Variants in RSU1 observed in about 807,000 individuals in gnomAD.
RSU1 encodes the protein Ras suppressor protein 1.
A neutral mutation model predicts 31.1 loss-of-function variants in RSU1; 26 were observed. The observed-to-expected ratio is 0.84, with a 90% CI of 0.61 to 1.16. The LOEUF is 1.16. Ranked by LOEUF, RSU1 falls within the 50% of genes most tolerant of loss-of-function variation. RSU1 has a pLI of 0.00. For synonymous variants in RSU1, 164 were observed against 136.3 expected (o/e 1.20, Z -1.41); for missense variants, 320 against 339.1 (o/e 0.94, Z 0.44).
chr10:16,601,243 G>A (rs1833710023), intron 8 of RSU1, among the ~76,000 whole-genome samples: 1 of 152,156 alleles, frequency 6.6e-6, no homozygotes, highest in African/African-American at 2.4e-5. Context: ...CAGAACTTCA[G>A]GAGCAAATGC....
intron 2 of RSU1, among the ~76,000 whole-genome samples, chr10:16,797,856 C>CTTCTTTTTTT (rs1554775554): frequency 1.1e-4 from 11 of 103,514 alleles, no homozygotes; most frequent in South Asian, 3.3e-4. Context: ...GGGATTTCTT[C>CTTCTTTTTTT]TTTTTTTTTT....
intron 8 of RSU1, among the ~76,000 whole-genome samples, chr10:16,605,908 C>T (rs1833796761): frequency 6.6e-6 from 1 of 152,150 alleles, no homozygotes; most frequent in Admixed American, 6.5e-5. Context: ...CTCAAGTGAT[C>T]CTCCTGCCTC....
At chr10:16,663,736 T>C (rs1031773210) in intron 8 of RSU1, among the ~76,000 whole-genome samples, 3 of 152,188 alleles carry the variant, frequency 2.0e-5, no homozygotes, top group Non-Finnish European at 2.9e-5. Flanking sequence ...CTGCTCTGCA[T>C]ACCCCACAGA....
At chr10:16,783,893 C>G (rs539568842) in intron 2 of RSU1, among the ~76,000 whole-genome samples, 19 of 152,154 alleles carry the variant, frequency 1.2e-4, no homozygotes, top group Non-Finnish European at 2.5e-4. Flanking sequence ...AGCCCCCATT[C>G]AAGTTTCTCC....
chr10:16,745,154 C>T (rs1836825488), intron 7 of RSU1, among the ~76,000 whole-genome samples: 1 of 152,194 alleles, frequency 6.6e-6, no homozygotes, highest in African/African-American at 2.4e-5. Flanking sequence ...GGTCTCTAAA[C>T]AGTCAAAGTT....
chr10:16,691,243 C>A (rs1200965633), intron 8 of RSU1, among the ~76,000 whole-genome samples: 1 of 152,022 alleles, frequency 6.6e-6, no homozygotes. Context: ...CTGCTTCACA[C>A]AAAGAGTTGA....
intron 3 of RSU1, among the ~76,000 whole-genome samples, chr10:16,776,373 GAAT>G (rs532732636): frequency 1.1e-3 from 163 of 151,884 alleles, no homozygotes; most frequent in African/African-American, 3.6e-3. Context: ...TATGTACTTA[GAAT>G]ATTATCTTTG....
chr10:16,698,584 T>C lies in RSU1; in HGVS notation c.599-3429A>G, dbSNP rs184700852. Reference sequence around the variant, plus strand: ...GGTCAGCCATGTTCTCTGGGCCCTTTTGTCTGAAGCCTGTAACCCCCTGGA... The same window carrying C: ...GGTCAGCCATGTTCTCTGGGCCCTTCTGTCTGAAGCCTGTAACCCCCTGGA... On this transcript the variant is annotated intron_variant, in intron 7 of 8. Coordinates refer to ENST00000345264, the MANE Select transcript of RSU1 (RefSeq NM_012425.4). Among the ~76,000 whole-genome samples the C allele has an allele frequency of 1.1e-3, 175 of 152,278 alleles. No homozygotes were observed. In the South Asian group the frequency reaches 0.031, roughly 27 times the overall value.
chr10:16,633,037 T>A (rs909300313), intron 8 of RSU1, among the ~76,000 whole-genome samples: 3 of 152,224 alleles, frequency 2.0e-5, no homozygotes, highest in African/African-American at 7.2e-5. Context: ...TTTCTCAGCC[T>A]TGGCACTGAG....
chr10:16,708,744 C>G (rs1435658222), intron 7 of RSU1, among the ~76,000 whole-genome samples: 2 of 151,726 alleles, frequency 1.3e-5, no homozygotes, highest in Non-Finnish European at 2.9e-5. Flanking sequence ...TTTGTGTCCT[C>G]TTCAATTTCT....
At chr10:16,606,300 T>C (rs774911299) in intron 8 of RSU1, among the ~76,000 whole-genome samples, 1 of 152,178 alleles carries the variant, frequency 6.6e-6, no homozygotes, top group Non-Finnish European at 1.5e-5. Flanking sequence ...TAACATTATA[T>C]ATATATTTTA....
intron 7 of RSU1, among the ~76,000 whole-genome samples, chr10:16,735,848 G>A (rs1413846338): frequency 1.3e-5 from 2 of 152,138 alleles, no homozygotes; most frequent in Admixed American, 6.5e-5. Flanking sequence ...CATATGTGGA[G>A]ATTATGGAAA....
At chr10:16,779,340 C>A (rs1024844055) in intron 3 of RSU1, among the ~76,000 whole-genome samples, 13 of 152,296 alleles carry the variant, frequency 8.5e-5, no homozygotes, top group African/African-American at 2.9e-4. Context: ...AATCACAGAT[C>A]CCACTTTCAG....
At position 16,613,956 on chromosome 10, in the gene RSU1, G is replaced by T. The variant is rs145936125; in HGVS notation, c.732-20460C>A. Among the ~76,000 whole-genome samples the T allele has an allele frequency of 5.6e-4, 85 of 152,278 alleles. 2 individuals carry two copies. The East Asian group carries it at 0.016, about 29-fold the overall frequency. On this transcript the variant is annotated intron_variant, in intron 8 of 8. Transcript: ENST00000345264. ...AGGCTATATTCCTTGGGAATTGGAGGTTACAAGGCAAAACTACTGGGTCGG... is the reference window on the plus strand; with the variant it reads ...AGGCTATATTCCTTGGGAATTGGAGTTTACAAGGCAAAACTACTGGGTCGG...
intron 8 of RSU1, among the ~76,000 whole-genome samples, chr10:16,655,799 C>T (rs1267066191): frequency 1.3e-5 from 2 of 152,078 alleles, no homozygotes; most frequent in African/African-American, 2.4e-5. Flanking sequence ...GAGGTATGTC[C>T]ACTATTTCTT....
chr10:16,613,714 A>C (rs1833930635), intron 8 of RSU1, among the ~76,000 whole-genome samples: 1 of 152,052 alleles, frequency 6.6e-6, no homozygotes, highest in Non-Finnish European at 1.5e-5. Flanking sequence ...CAGTAATGCT[A>C]TATTCTCTGT....
intron 7 of RSU1, among the ~76,000 whole-genome samples, chr10:16,715,308 T>C (rs773553259): frequency 6.6e-6 from 1 of 152,268 alleles, no homozygotes; most frequent in Non-Finnish European, 1.5e-5. Flanking sequence ...TAAATTTTCA[T>C]GAAGTCCAAT....
At position 16,600,127 on chromosome 10, in the gene RSU1, G is replaced by A. The variant is rs1033890209; in HGVS notation, c.732-6631C>T. 1.3e-5 allele frequency among the ~76,000 whole-genome samples: 2 copies of A among 152,282 alleles called. 1 individual carries two copies. The highest frequency in any genetic ancestry group is 6.8e-3 in the Middle Eastern group (2 of 292). On this transcript the variant is annotated intron_variant, in intron 8 of 8. Coordinates refer to ENST00000345264, the MANE Select transcript of RSU1 (RefSeq NM_012425.4). Reference sequence around the variant, plus strand: ...TTGCTCTTGAGAGTCTGATGAACAGGCTTCTGTCACTGAAGATGGTTTCAA... The same window carrying A: ...TTGCTCTTGAGAGTCTGATGAACAGACTTCTGTCACTGAAGATGGTTTCAA...
At chr10:16,631,579 ATTTAAGTTTTGCCAT>A (rs1834249989) in intron 8 of RSU1, among the ~76,000 whole-genome samples, 1 of 152,202 alleles carries the variant, frequency 6.6e-6, no homozygotes, top group African/African-American at 2.4e-5. Flanking sequence ...AAACTCCCTC[ATTTAAGTTTTGCCAT>A]TTTCATTTTA....
Sources: gnomAD v4.1 joint callset for allele counts (sites outside exome capture counted in the v4.1 genomes callset) on GRCh38, gnomAD v4.1.1 for gene constraint, MANE v1.5 for transcripts, NCBI Gene and HGNC (gene_info 2026-07-23, HGNC 2026-07-21) for gene names.